Variants in MCHR2 observed in about 807,000 individuals in gnomAD.
MCHR2 encodes melanin concentrating hormone receptor 2, also known as melanin-concentrating hormone receptor 2.
In MCHR2, 15 loss-of-function variants were observed where a neutral mutation model predicts 24.8. That is an observed-to-expected ratio of 0.60 (90% CI 0.40 to 0.93). MCHR2 has a LOEUF of 0.93. Among genes scored for constraint, MCHR2 ranks in the 40% least tolerant of loss-of-function variants. The pLI, the probability that MCHR2 is intolerant of heterozygous loss-of-function variation, is 0.00. For missense variants in MCHR2, 386 were observed against 408.7 expected, an observed-to-expected ratio of 0.94 and a Z score of 0.48; for synonymous variants, 151 against 147.6, an observed-to-expected ratio of 1.02 and a Z score of -0.17.
At chr6:99,984,220 T>G (rs1020673552) in intron 1 of MCHR2, among the ~76,000 whole-genome samples, 1 of 141,098 alleles carries the variant, frequency 7.1e-6, no homozygotes, top group Admixed American at 7.3e-5. Flanking sequence ...CATTTTTCAC[T>G]GTATCTTTTT....
chr6:99,940,531 T>C (rs1252167252), intron 4 of MCHR2, among the ~76,000 whole-genome samples: 1 of 152,162 alleles, frequency 6.6e-6, no homozygotes, highest in East Asian at 1.9e-4. Flanking sequence ...AACCACTATT[T>C]TGAATTATTG....
Position 99,927,085 on chromosome 6 carries a change from A to G in MCHR2, c.708-5830T>C, listed in dbSNP as rs1344775565. ...CCAGTTTTCCCGGCACCATTTATTAAATAGGGAATCCTTTCCCCATTGCTT... is the reference window on the plus strand; with the variant it reads ...CCAGTTTTCCCGGCACCATTTATTAGATAGGGAATCCTTTCCCCATTGCTT... On this transcript the variant is annotated intron_variant, in intron 5 of 5. Transcript: ENST00000281806. Among the ~76,000 whole-genome samples, 4 of 152,176 alleles carry G rather than the reference A, an allele frequency of 2.6e-5. No homozygotes were observed. The East Asian group carries it at 5.8e-4, about 22-fold the overall frequency.
intron 1 of MCHR2, among the ~76,000 whole-genome samples, chr6:99,968,854 A>T (rs1024198516): frequency 8.5e-5 from 13 of 152,148 alleles, no homozygotes; most frequent in Non-Finnish European, 1.5e-4. Flanking sequence ...TTGTAAACTA[A>T]ACAACACACT....
At chr6:99,950,743 A>C (rs1295817310) in intron 2 of MCHR2, among the ~76,000 whole-genome samples, 2 of 152,216 alleles carry the variant, frequency 1.3e-5, no homozygotes, top group Non-Finnish European at 2.9e-5. Flanking sequence ...ATTTGGTAGT[A>C]GTATGACTGA....
At chr6:99,975,157 T>G (rs958427114) in intron 1 of MCHR2, among the ~76,000 whole-genome samples, 9 of 152,314 alleles carry the variant, frequency 5.9e-5, no homozygotes, top group African/African-American at 1.7e-4. Flanking sequence ...GTTTGTTTTT[T>G]CCCTTCCCCT....
In MCHR2 at chr6:99,943,009, T is replaced by C; in HGVS notation, c.527A>G (p.Lys176Arg). 1.2e-6 allele frequency: 2 copies of C among 1,613,048 alleles called. No individual in the cohort carries two copies. Residue 176 changes from lysine to arginine, a missense_variant, in exon 4 of 6, where the codon AAA becomes AGA. Transcript: ENST00000281806. ...LPVWVYSKVI[K>R]FKDGVESCAF... ...ACAACTCTCAACACCGTCTTTAAAT[T>C]TGATGACCTTCGAGTAGACCCAGAC...
chr6:99,929,700 T>C (rs567587652), intron 5 of MCHR2, among the ~76,000 whole-genome samples: 129 of 152,116 alleles, frequency 8.5e-4, no homozygotes, highest in African/African-American at 2.6e-3. Context: ...GGTAGATCTT[T>C]CTCCATCCTT....
At chr6:99,954,643 T>C (rs1775025451) in intron 2 of MCHR2, among the ~76,000 whole-genome samples, 2 of 152,166 alleles carry the variant, frequency 1.3e-5, no homozygotes, top group South Asian at 4.1e-4. Flanking sequence ...TTTCACTGTA[T>C]TAGTGGTGTT....
At position 99,928,239 on chromosome 6, in the gene MCHR2, T is replaced by C. The variant is rs1027708177; in HGVS notation, c.707+6159A>G. Among the ~76,000 whole-genome samples, 15 of 152,256 alleles carry C rather than the reference T, an allele frequency of 9.9e-5. 1 individual carries two copies. In the East Asian group the frequency reaches 2.3e-3, roughly 24 times the overall value. ...TGATGCGCTGCTGAATTCAGTTTGC[T>C]GGTATTTTATTGAGGATTTTTGCAT... On this transcript the variant is annotated intron_variant, in intron 5 of 5. Transcript: ENST00000281806.
chr6:99,959,750 C>T (rs1408550320), intron 1 of MCHR2, among the ~76,000 whole-genome samples: 1 of 148,658 alleles, frequency 6.7e-6, no homozygotes, highest in African/African-American at 2.5e-5. Context: ...CTTGATCAAG[C>T]AAGAGAGAGA....
chr6:99,969,211 C>A (rs1267568434), intron 1 of MCHR2, among the ~76,000 whole-genome samples: 2 of 152,086 alleles, frequency 1.3e-5, no homozygotes, highest in African/African-American at 4.8e-5. Context: ...CGTGGTGGCT[C>A]ATGCCTGTAA....
At chr6:99,970,657 A>T (rs1775392306) in intron 1 of MCHR2, among the ~76,000 whole-genome samples, 1 of 152,124 alleles carries the variant, frequency 6.6e-6, no homozygotes, top group Admixed American at 6.5e-5. Context: ...CCTGAATGGT[A>T]TTGCCTAGGT....
At chr6:99,963,200 A>G (rs924530254) in intron 1 of MCHR2, among the ~76,000 whole-genome samples, 1 of 152,140 alleles carries the variant, frequency 6.6e-6, no homozygotes, top group African/African-American at 2.4e-5. Flanking sequence ...AGGAATGTAA[A>G]ATAGTGTAGC....
At position 99,955,982 on chromosome 6, in the gene MCHR2, C is replaced by A; in HGVS notation, c.166G>T (p.Val56Leu). Residue 56 changes from valine (V) to leucine (L), a missense_variant, in exon 2 of 6, where the codon GTA becomes TTA. By Grantham distance (32) the Val-to-Leu change is conservative. Coordinates refer to ENST00000281806, the MANE Select transcript of MCHR2 (RefSeq NM_001040179.2). ...ATTCCTTACCTTATTATAGTGAATA[C>A]AATGAGGATGTTGCCAACCAGCCCT... ...STGLVGNILIVFTIIRSRKKT... is the reference protein window; with the variant it reads ...STGLVGNILILFTIIRSRKKT... 1.3e-6 allele frequency: 2 copies of A among 1,597,654 alleles called. No homozygotes were observed. The highest frequency in any genetic ancestry group is 8.5e-7 in the Non-Finnish European group (1 of 1,173,384).
At chr6:99,929,588 T>C (rs530073465) in intron 5 of MCHR2, among the ~76,000 whole-genome samples, 1 of 151,938 alleles carries the variant, frequency 6.6e-6, no homozygotes, top group East Asian at 1.9e-4. Flanking sequence ...TTTACCATTA[T>C]GTAATGGCCT....
chr6:99,961,040 G>A (rs1197781403), intron 1 of MCHR2, among the ~76,000 whole-genome samples: 3 of 152,028 alleles, frequency 2.0e-5, no homozygotes, highest in Non-Finnish European at 4.4e-5. Flanking sequence ...AGAGTGAACA[G>A]GTAACCTATA....
At chr6:99,974,848 GCAGTGGTGGCTGCAGAA>G (rs1264807559) in intron 1 of MCHR2, among the ~76,000 whole-genome samples, 1 of 152,200 alleles carries the variant, frequency 6.6e-6, no homozygotes, top group Non-Finnish European at 1.5e-5. Context: ...CTGGGTATCA[GCAGTGGTGGCTGCAGAA>G]CAGTGGTGGC....
chr6:99,918,584 A>G lies in MCHR2; in HGVS notation c.*2356T>C, dbSNP rs1774164116. Among the ~76,000 whole-genome samples the G allele has an allele frequency of 6.6e-6, 1 of 152,222 alleles. No individual in the cohort carries two copies. Among genetic ancestry groups the G allele is most frequent in the Non-Finnish European group, 1.5e-5 (1 of 68,020 alleles). On this transcript the variant is annotated 3_prime_UTR_variant, in exon 6 of 6. Transcript: ENST00000281806. ...AATGAGGCACCTAGAATTGAATAAGAATAGAATAAGGATACGATTATTATT... is the reference window on the plus strand; with the variant it reads ...AATGAGGCACCTAGAATTGAATAAGGATAGAATAAGGATACGATTATTATT...
Position 99,984,853 on chromosome 6 carries a change from C to T in MCHR2, c.-28+9083G>A, listed in dbSNP as rs1014276248. On this transcript the variant is annotated intron_variant, in intron 1 of 5. Transcript: ENST00000281806. ...GGCAAGCAGGCAAGAGAAAGAAATA[C>T]AAGTCATTCAATCAGAAAAAAGTAA... Among the ~76,000 whole-genome samples the T allele has an allele frequency of 3.3e-5, 5 of 152,152 alleles. No individual in the cohort carries two copies. In the South Asian group the frequency reaches 1.0e-3, roughly 32 times the overall value.
Sources: gnomAD v4.1 joint callset for allele counts (sites outside exome capture counted in the v4.1 genomes callset) on GRCh38, gnomAD v4.1.1 for gene constraint, MANE v1.5 for transcripts, NCBI Gene and HGNC (gene_info 2026-07-23, HGNC 2026-07-21) for gene names.